The following VSTM2A variants were observed in gnomAD, a reference collection of about 807,000 sequenced individuals.
VSTM2A encodes V-set and transmembrane domain-containing protein 2A.
Under a neutral mutation model 27.3 loss-of-function variants are expected in VSTM2A, and 13 were observed. The observed-to-expected ratio is 0.48, with a 90% confidence interval of 0.31 to 0.76. The LOEUF (loss-of-function observed/expected upper bound fraction) is 0.76, where lower values mean the gene tolerates loss of function less well. Among genes scored for constraint, VSTM2A ranks in the 30% least tolerant of loss-of-function variants. VSTM2A has a pLI of 0.05. For synonymous variants in VSTM2A, 142 were observed against 125.7 expected (o/e 1.13, Z -0.87); for missense variants, 280 against 310.0 (o/e 0.90, Z 0.73).
At chr7:54,569,067 G>A in intron 4 of VSTM2A, 64 bp from the exon 5 acceptor site, 1 of 1,606,654 alleles carries the variant, frequency 6.2e-7, no homozygotes, top group Non-Finnish European at 8.5e-7. Context: ...GTGGCTTTGT[G>A]AAGGGTGCTT....
Position 54,544,741 on chromosome 7 carries a change from C to T in VSTM2A, c.199C>T (p.Arg67Trp). The change falls in exon 2 of 5, where the codon CGG becomes TGG. Residue 67 changes from arginine to tryptophan, a missense_variant. Physicochemically the swap from Arg to Trp is moderately radical, Grantham distance 101. Transcript: ENST00000402613. Reference sequence around the variant, plus strand: ...TCTGGAGATCCAATGGTGGTTCCTGCGGGGGCCGGAGGACCTGGATCCCGG... The same window carrying T: ...TCTGGAGATCCAATGGTGGTTCCTGTGGGGGCCGGAGGACCTGGATCCCGG... ...VYLEIQWWFL[R>W]GPEDLDPGAE... 6.2e-7 allele frequency: 1 copy of T among 1,612,340 alleles called. No homozygotes were observed. The highest frequency in any genetic ancestry group is 8.5e-7 in the Non-Finnish European group (1 of 1,179,740).
chr7:54,543,441 T>TA (rs1787848714), intron 1 of VSTM2A, among the ~76,000 whole-genome samples: 1 of 152,204 alleles, frequency 6.6e-6, no homozygotes, highest in Non-Finnish European at 1.5e-5. Flanking sequence ...AGAAATGCCA[T>TA]ACTCCTTCTG....
At chr7:54,543,854 T>C (rs916418020) in intron 1 of VSTM2A, among the ~76,000 whole-genome samples, 1 of 152,206 alleles carries the variant, frequency 6.6e-6, no homozygotes, top group Non-Finnish European at 1.5e-5. Context: ...AAACATTATA[T>C]TTTTGTGAGT....
chr7:54,567,473 C>A (rs1417202319), intron 4 of VSTM2A, among the ~76,000 whole-genome samples: 2 of 152,076 alleles, frequency 1.3e-5, no homozygotes, highest in Non-Finnish European at 2.9e-5. Flanking sequence ...GCAGCTGTTT[C>A]CATAATATCT....
In VSTM2A at chr7:54,550,051, C is replaced by G. The variant is rs750646651; in HGVS notation, c.515C>G (p.Pro172Arg). ...CCCATGTGGCTGCAGGATATGAAGC[C>G]CCGCAAGAACGTCTCCGCAGCCATC... ...ASPMWLQDMK[P>R]RKNVSAAIPS... is the part of the protein sequence containing the mutation. The change falls in exon 4 of 5, where the codon CCC becomes CGC. Residue 172 changes from proline (P) to arginine (R), a missense_variant. By Grantham distance (103) the Pro-to-Arg change is moderately radical. Coordinates refer to ENST00000402613, the MANE Select transcript of VSTM2A (RefSeq NM_001301009.2). The G allele has an allele frequency of 1.9e-6, 3 of 1,609,724 alleles. No homozygotes were observed. The highest frequency in any genetic ancestry group is 2.5e-6 in the Non-Finnish European group (3 of 1,178,028).
intron 4 of VSTM2A, among the ~76,000 whole-genome samples, chr7:54,565,441 T>TC (rs1434735394): frequency 6.6e-6 from 1 of 152,180 alleles, no homozygotes; most frequent in Non-Finnish European, 1.5e-5. Flanking sequence ...GCCCACTGTC[T>TC]CCCAGCCTGA....
Position 54,569,194 on chromosome 7 carries a change from A to G in VSTM2A, c.698A>G (p.His233Arg), listed in dbSNP as rs779879573. The change falls in exon 5 of 5, where the codon CAC becomes CGC. Residue 233 changes from histidine to arginine, a missense_variant. Coordinates refer to ENST00000402613, the MANE Select transcript of VSTM2A (RefSeq NM_001301009.2). ...GCAAAGTTGACCCTAAACTCCAAGC[A>G]CCACCCTGCACCCACTGTACTCTAA... ...RTAKLTLNSKHHPAPTVL is the reference protein window; with the variant it reads ...RTAKLTLNSKRHPAPTVL 9 of 1,551,532 alleles carry G rather than the reference A, an allele frequency of 5.8e-6. No individual in the cohort carries two copies. In the African/African-American group the frequency reaches 8.2e-5, roughly 14 times the overall value.
chr7:54,553,881 C>T, intron 4 of VSTM2A: 5 of 1,551,228 alleles, frequency 3.2e-6, no homozygotes, highest in Non-Finnish European at 4.4e-6. Flanking sequence ...TCCAATCCTT[C>T]CAGAAGTCAA....
chr7:54,546,850 T>G (rs1788010275), intron 2 of VSTM2A, 97 bp from the exon 3 acceptor site: 2 of 1,490,624 alleles, frequency 1.3e-6, no homozygotes, highest in African/African-American at 1.5e-5. Flanking sequence ...CAGGTCACCC[T>G]GACGGCCCTG....
chr7:54,544,964 C>A lies in VSTM2A; in HGVS notation c.246+176C>A, dbSNP rs1166398129. 2.0e-5 allele frequency among the ~76,000 whole-genome samples: 3 copies of A among 152,276 alleles called. No homozygotes were observed. The East Asian group carries it at 5.8e-4, about 29-fold the overall frequency. On this transcript the variant is annotated intron_variant, in intron 2 of 4. Coordinates refer to ENST00000402613, the MANE Select transcript of VSTM2A (RefSeq NM_001301009.2). ...GGAAAGGGAATTTGTCCTGGGGACGCGAAGTTAAAACCCAGAAGGAAGTCC... is the reference window on the plus strand; with the variant it reads ...GGAAAGGGAATTTGTCCTGGGGACGAGAAGTTAAAACCCAGAAGGAAGTCC...
At chr7:54,542,902 C>G in intron 1 of VSTM2A, 93 bp downstream of exon 1, 1 of 1,214,384 alleles carries the variant, frequency 8.2e-7, no homozygotes, top group Non-Finnish European at 1.2e-6. Context: ...GAATAAGCTT[C>G]CTAGCAAGTA....
In VSTM2A at chr7:54,550,083, A is replaced by G. The variant is rs745474154; in HGVS notation, c.547A>G (p.Ser183Gly). 15 of 1,608,906 alleles carry G rather than the reference A, an allele frequency of 9.3e-6. No homozygotes were observed. Among genetic ancestry groups the G allele is most frequent in the Non-Finnish European group, 1.7e-6 (2 of 1,177,728 alleles). Residue 183 changes from serine (S) to glycine (G), a missense_variant, in exon 4 of 5, where the codon AGC becomes GGC. By Grantham distance (56) the Ser-to-Gly change is moderately conservative (BLOSUM62 0). Coordinates refer to ENST00000402613, the MANE Select transcript of VSTM2A (RefSeq NM_001301009.2). ...RKNVSAAIPS[S>G]IHGSANQRTH... ...GAACGTCTCCGCAGCCATCCCCAGC[A>G]GCATCCATGGCTCTGCCAACCAACG...
At chr7:54,542,845 G>GCCA in intron 1 of VSTM2A, 36 bp downstream of exon 1, 1 of 1,570,268 alleles carries the variant, frequency 6.4e-7, no homozygotes, top group Non-Finnish European at 8.7e-7. Flanking sequence ...ACATTTGCTT[G>GCCA]CGTGTGTGTG....
intron 2 of VSTM2A, among the ~76,000 whole-genome samples, chr7:54,545,685 A>G (rs1274812271): frequency 1.4e-4 from 10 of 71,574 alleles, no homozygotes; most frequent in Non-Finnish European, 2.4e-4. Context: ...GGGAAGGGGG[A>G]AAAAGGGAGA....
At chr7:54,564,014 A>T (rs1788644477) in intron 4 of VSTM2A, among the ~76,000 whole-genome samples, 1 of 152,200 alleles carries the variant, frequency 6.6e-6, no homozygotes, top group African/African-American at 2.4e-5. Flanking sequence ...TTGCATTAGA[A>T]GCTAGCTCAG....
intron 4 of VSTM2A, chr7:54,553,929 TTC>T: frequency 1.3e-6 from 2 of 1,551,466 alleles, no homozygotes; most frequent in East Asian, 2.4e-5. Context: ...CCTTCCTTTC[TTC>T]TCTCTGTCTT....
intron 4 of VSTM2A, among the ~76,000 whole-genome samples, chr7:54,565,753 T>A (rs1171909266): frequency 6.6e-6 from 1 of 152,242 alleles, no homozygotes; most frequent in African/African-American, 2.4e-5. Context: ...TTTGATTGTT[T>A]TTAATTTTGC....
intron 4 of VSTM2A, among the ~76,000 whole-genome samples, chr7:54,566,584 G>A (rs1213990524): frequency 2.0e-5 from 3 of 152,140 alleles, no homozygotes; most frequent in African/African-American, 7.2e-5. Flanking sequence ...GTATTAAGGG[G>A]AAAACATTAT....
chr7:54,551,908 A>C (rs115525624), intron 4 of VSTM2A: 85 of 152,348 alleles, frequency 5.6e-4, no homozygotes, highest in African/African-American at 2.0e-3. Context: ...TACCTATTCC[A>C]AGTGAAGAAT....
Sources: allele counts gnomAD v4.1 joint callset (sites outside exome capture counted in the v4.1 genomes callset), GRCh38; gene constraint gnomAD v4.1.1; transcripts MANE v1.5; gene names NCBI Gene and HGNC (gene_info 2026-07-23, HGNC 2026-07-21).